ASAP1: variants seen among roughly 807,000 people sequenced by gnomAD.
ASAP1 encodes the protein ArfGAP with SH3 domain, ankyrin repeat and PH domain 1, also known as arf-GAP with SH3 domain, ANK repeat and PH domain-containing protein 1.
ASAP1 carries 43 observed loss-of-function variants against 145.2 expected under a neutral mutation model. The ratio of observed to expected loss-of-function variants is 0.30; its 90% confidence interval spans 0.23 to 0.38. The LOEUF (loss-of-function observed/expected upper bound fraction) is 0.38, where lower values mean the gene tolerates loss of function less well. ASAP1 is among the 10% of genes least tolerant of loss of function. The pLI is 1.00. For missense variants in ASAP1, 1,018 were observed against 1,355.3 expected, an observed-to-expected ratio of 0.75 and a Z score of 3.91; for synonymous variants, 546 against 515.5, an observed-to-expected ratio of 1.06 and a Z score of -0.80.
At chr8:130,373,834 G>A (rs1186271130) in intron 2 of ASAP1, among the ~76,000 whole-genome samples, 4 of 129,800 alleles carry the variant, frequency 3.1e-5, no homozygotes, top group African/African-American at 1.2e-4. Context: ...GTGACAGAGT[G>A]AGATGGAGTC....
At chr8:130,197,196 G>C (rs1310798408) in intron 5 of ASAP1, among the ~76,000 whole-genome samples, 3 of 152,254 alleles carry the variant, frequency 2.0e-5, no homozygotes, top group Non-Finnish European at 4.4e-5. Flanking sequence ...GGGAGGCTGA[G>C]GCAGGTGGTT....
At chr8:130,276,728 A>ACACACTCTCTCTCTCTCTCTCTCTCT (rs548512902) in intron 3 of ASAP1, among the ~76,000 whole-genome samples, 6 of 87,308 alleles carry the variant, frequency 6.9e-5, no homozygotes, top group South Asian at 5.9e-4. Context: ...ACACACACAC[A>ACACACTCTCTCTCTCTCTCTCTCTCT]CTCTCTCTCT....
intron 3 of ASAP1, among the ~76,000 whole-genome samples, chr8:130,344,552 T>C (rs148866561): frequency 3.1e-4 from 47 of 152,320 alleles, no homozygotes; most frequent in African/African-American, 1.1e-3. Flanking sequence ...CGCTCTGCTA[T>C]TGCATGTGCA....
intron 12 of ASAP1, among the ~76,000 whole-genome samples, chr8:130,154,637 T>C (rs548614986): frequency 6.6e-6 from 1 of 152,294 alleles, no homozygotes; most frequent in South Asian, 2.1e-4. Flanking sequence ...CTTAAATTAG[T>C]CCTCTAAGAA....
intron 1 of ASAP1, among the ~76,000 whole-genome samples, chr8:130,414,130 C>T (rs1829378335): frequency 6.6e-6 from 1 of 152,194 alleles, no homozygotes; most frequent in Non-Finnish European, 1.5e-5. Flanking sequence ...AACAGGAGTA[C>T]ACCAGACAGA....
chr8:130,167,640 C>T lies in ASAP1; in HGVS notation c.823-18G>A. 2 of 1,548,590 alleles carry T rather than the reference C, an allele frequency of 1.3e-6. No homozygotes were observed. The highest frequency in any genetic ancestry group is 1.4e-5 in the African/African-American group (1 of 73,588). On this transcript the variant is annotated intron_variant, in intron 10 of 29. Coordinates refer to ENST00000518721, the MANE Select transcript of ASAP1 (RefSeq NM_018482.4). ...TGTTTTATCTATGAAAAAAAAATTA[C>T]TTCTATTACTTACCATTTACACTTT...
At chr8:130,212,961 T>C (rs1298106250) in intron 5 of ASAP1, among the ~76,000 whole-genome samples, 1 of 152,252 alleles carries the variant, frequency 6.6e-6, no homozygotes, top group Non-Finnish European at 1.5e-5. Flanking sequence ...CAGATCTTCC[T>C]GCCCAAGCAA....
chr8:130,356,971 T>C (rs966144805), intron 3 of ASAP1, among the ~76,000 whole-genome samples: 2 of 152,180 alleles, frequency 1.3e-5, no homozygotes, highest in Non-Finnish European at 2.9e-5. Flanking sequence ...CCCTTCCTAC[T>C]TTCCACCCAA....
In ASAP1 at chr8:130,118,255, G is replaced by C; in HGVS notation, c.1795-9C>G. 6.2e-7 allele frequency: 1 copy of C among 1,612,942 alleles called. No individual in the cohort carries two copies. Among genetic ancestry groups the C allele is most frequent in the Non-Finnish European group, 8.5e-7 (1 of 1,179,272 alleles). ...GCTGTCTCCCCAAGCTCCTAAAAAGGGAAAGAAAAGTATAAGTAAGTCAAT... is the reference window on the plus strand; with the variant it reads ...GCTGTCTCCCCAAGCTCCTAAAAAGCGAAAGAAAAGTATAAGTAAGTCAAT... On this transcript the variant is annotated splice_polypyrimidine_tract_variant and intron_variant, in intron 19 of 29. Transcript: ENST00000518721.
At chr8:130,305,416 G>A (rs185170952) in intron 3 of ASAP1, among the ~76,000 whole-genome samples, 80 of 152,182 alleles carry the variant, frequency 5.3e-4, no homozygotes, top group African/African-American at 1.8e-3. Flanking sequence ...GTGCGATCTC[G>A]GCTCACCGCA....
intron 12 of ASAP1, among the ~76,000 whole-genome samples, chr8:130,158,503 A>C (rs2097662490): frequency 6.6e-6 from 1 of 152,124 alleles, no homozygotes. Flanking sequence ...AAGACAGAGC[A>C]AGGTCCTGTC....
intron 5 of ASAP1, among the ~76,000 whole-genome samples, chr8:130,206,395 T>C (rs1477663539): frequency 6.6e-6 from 1 of 151,850 alleles, no homozygotes; most frequent in Non-Finnish European, 1.5e-5. Flanking sequence ...GCTACAAATC[T>C]AGATCCAACC....
intron 13 of ASAP1, among the ~76,000 whole-genome samples, chr8:130,138,696 C>T (rs1324108262): frequency 6.6e-6 from 1 of 151,878 alleles, no homozygotes; most frequent in Non-Finnish European, 1.5e-5. Context: ...ATTAGCCGGG[C>T]GTGGTGTCGG....
Position 130,085,738 on chromosome 8 carries a change from G to GA in ASAP1, c.2573-5768dup, listed in dbSNP as rs10690482. ...CGACAGAACAAGACGTTGTCTTTAA[G>GA]AAAAAAAAAAAAAAAAAGGAAAGAG... On this transcript the variant is annotated intron_variant, in intron 25 of 29. Coordinates refer to ENST00000518721, the MANE Select transcript of ASAP1 (RefSeq NM_018482.4). Among the ~76,000 whole-genome samples the GA allele has an allele frequency of 1.7e-3, 219 of 125,388 alleles. 3 individuals carry two copies. The highest frequency in any genetic ancestry group is 9.3e-3 in the South Asian group (39 of 4,196). 82.3% of individuals were successfully genotyped at this position (125,388 alleles called of 152,430 possible). A position where few individuals can be genotyped will look rare whatever the true frequency, so the allele number is the denominator to read the frequency against.
chr8:130,074,871 C>T (rs1190718145), intron 27 of ASAP1, among the ~76,000 whole-genome samples: 2 of 152,210 alleles, frequency 1.3e-5, no homozygotes, highest in African/African-American at 4.8e-5. Context: ...GCCACACTGA[C>T]TGTGCCTCTC....
At chr8:130,257,792 C>CCCG (rs1554860683) in intron 3 of ASAP1, among the ~76,000 whole-genome samples, 14 of 144,356 alleles carry the variant, frequency 9.7e-5, no homozygotes, top group Admixed American at 9.7e-4. Context: ...GAGCACCCCC[C>CCCG]CCCCATTATT....
chr8:130,412,259 G>T (rs1456364248), intron 1 of ASAP1, among the ~76,000 whole-genome samples: 1 of 152,184 alleles, frequency 6.6e-6, no homozygotes, highest in Non-Finnish European at 1.5e-5. Flanking sequence ...AGTATTGGAG[G>T]TGGGGCCTGG....
chr8:130,225,913 C>T (rs1047271174), intron 4 of ASAP1, among the ~76,000 whole-genome samples: 1 of 152,146 alleles, frequency 6.6e-6, no homozygotes, highest in African/African-American at 2.4e-5. Flanking sequence ...GGGTCTTGCT[C>T]TGTTGCCCAG....
rs767063471 is a variant in ASAP1, at chr8:130,093,686, A to AAAAAAAAAAAAAAAAAAAAAAAAAAAG, written c.2402-1544_2402-1543insCTTTTTTTTTTTTTTTTTTTTTTTTTT. On this transcript the variant is annotated intron_variant, in intron 24 of 29. Transcript: ENST00000518721. ...CGTCTCAAAAAAAAAAAAAAAAAAAAAAAGAAAGCTAAGAACACTGCCACA... is the reference window on the plus strand; with the variant it reads ...CGTCTCAAAAAAAAAAAAAAAAAAAAAAAAAAAAAAAAAAAAAAAAAAAAAAGAAAGAAAGCTAAGAACACTGCCACA... Among the ~76,000 whole-genome samples the AAAAAAAAAAAAAAAAAAAAAAAAAAAG allele has an allele frequency of 2.1e-4, 28 of 131,982 alleles. 1 individual carries two copies. The highest frequency in any genetic ancestry group is 7.9e-4 in the African/African-American group (24 of 30,548). The allele number at this position is 131,982 out of a possible 152,430, so 86.6% of individuals were successfully genotyped here.
Sources: allele counts gnomAD v4.1 joint callset (sites outside exome capture counted in the v4.1 genomes callset), GRCh38; gene constraint gnomAD v4.1.1; transcripts MANE v1.5; gene names NCBI Gene and HGNC (gene_info 2026-07-23, HGNC 2026-07-21).